AFF3: variants seen among roughly 807,000 people sequenced by gnomAD.
AFF3 encodes the protein AF4/FMR2 family member 3.
In AFF3, 32 loss-of-function variants were observed where a neutral mutation model predicts 129.7. That is an observed-to-expected ratio of 0.25 (90% CI 0.19 to 0.33). The LOEUF is 0.33. Among genes scored for constraint, AFF3 ranks in the 10% least tolerant of loss-of-function variants. The pLI is 1.00. For missense variants in AFF3, 1,373 were observed against 1,592.0 expected, an observed-to-expected ratio of 0.86 and a Z score of 2.34; for synonymous variants, 644 against 635.4, an observed-to-expected ratio of 1.01 and a Z score of -0.20.
chr2:100,118,176 G>A (rs17023503), intron 2 of AFF3, among the ~76,000 whole-genome samples: 26,397 of 152,086 alleles, frequency 0.17, 2,803 homozygotes, highest in African/African-American at 0.3. Flanking sequence ...CTAATTATTT[G>A]AAAACTTCTT....
chr2:99,934,683 G>A (rs1365529919), intron 7 of AFF3, among the ~76,000 whole-genome samples: 1 of 152,186 alleles, frequency 6.6e-6, no homozygotes, highest in Non-Finnish European at 1.5e-5. Context: ...GAAGCCACTG[G>A]GAAGGGGCAC....
intron 7 of AFF3, among the ~76,000 whole-genome samples, chr2:99,841,018 C>T (rs919389856): frequency 2.0e-5 from 3 of 152,214 alleles, no homozygotes; most frequent in African/African-American, 7.2e-5. Context: ...CTGTTTTCTA[C>T]CACAAAACAA....
At chr2:99,586,085 C>T (rs1678085301) in intron 16 of AFF3, among the ~76,000 whole-genome samples, 2 of 152,350 alleles carry the variant, frequency 1.3e-5, no homozygotes, top group African/African-American at 4.8e-5. Flanking sequence ...GTTTATATTC[C>T]TCACTGCTTA....
At chr2:99,598,228 T>A (rs1266745661) in intron 14 of AFF3, among the ~76,000 whole-genome samples, 1 of 152,180 alleles carries the variant, frequency 6.6e-6, no homozygotes, top group Non-Finnish European at 1.5e-5. Flanking sequence ...GTATCCAGGC[T>A]TTTTTATTTT....
intron 7 of AFF3, among the ~76,000 whole-genome samples, chr2:99,965,283 CAAAG>C: frequency 6.6e-6 from 1 of 152,226 alleles, no homozygotes; most frequent in East Asian, 1.9e-4. Context: ...AACAAAGAAA[CAAAG>C]AAAGTGCACA....
chr2:100,062,237 G>A lies in AFF3; in HGVS notation c.53+42165C>T, dbSNP rs1687352771. Among the ~76,000 whole-genome samples, 3 of 152,320 alleles carry A rather than the reference G, an allele frequency of 2.0e-5. No homozygotes were observed. The East Asian group carries it at 5.8e-4, about 29-fold the overall frequency. ...AAGGCAAGGCTGCCAGAGTAAGGTG[G>A]CTGCAGTTGGAGGGGCCCAGCAGAG... On this transcript the variant is annotated intron_variant, in intron 4 of 24. Coordinates refer to ENST00000672756, the MANE Select transcript of AFF3 (RefSeq NM_001386135.1).
chr2:99,602,895 T>C (rs1187698066), intron 13 of AFF3, among the ~76,000 whole-genome samples: 1 of 152,202 alleles, frequency 6.6e-6, no homozygotes, highest in Non-Finnish European at 1.5e-5. Context: ...GAGCTTTGTT[T>C]CTATAAAAAC....
chr2:100,014,058 G>T (rs1444199729), intron 4 of AFF3, among the ~76,000 whole-genome samples: 2 of 151,610 alleles, frequency 1.3e-5, no homozygotes, highest in African/African-American at 2.4e-5. Flanking sequence ...GCCAGGGGGG[G>T]ATGACCTCCT....
intron 12 of AFF3, among the ~76,000 whole-genome samples, chr2:99,668,032 C>A (rs921507206): frequency 6.6e-6 from 1 of 151,960 alleles, no homozygotes; most frequent in Admixed American, 6.6e-5. Context: ...GTGGTGGGCG[C>A]CTGTAGTCCC....
At chr2:99,897,395 G>A (rs1214039672) in intron 7 of AFF3, among the ~76,000 whole-genome samples, 2 of 151,788 alleles carry the variant, frequency 1.3e-5, no homozygotes, top group Admixed American at 6.6e-5. Flanking sequence ...TCATAGAATC[G>A]TAGGAGTGAA....
At chr2:99,898,547 C>A (rs1405057770) in intron 7 of AFF3, among the ~76,000 whole-genome samples, 2 of 152,220 alleles carry the variant, frequency 1.3e-5, no homozygotes, top group Non-Finnish European at 2.9e-5. Flanking sequence ...GCCACTGGAT[C>A]TGGGGCAACT....
intron 7 of AFF3, among the ~76,000 whole-genome samples, chr2:99,957,017 C>T (rs1463099941): frequency 6.6e-6 from 1 of 152,140 alleles, no homozygotes; most frequent in Non-Finnish European, 1.5e-5. Flanking sequence ...TTAATAAATC[C>T]CAGGCCTTGT....
chr2:99,911,666 G>A (rs1408398536), intron 7 of AFF3, among the ~76,000 whole-genome samples: 6 of 152,124 alleles, frequency 3.9e-5, no homozygotes, highest in African/African-American at 1.4e-4. Flanking sequence ...GCTCTCCTCA[G>A]CAGCAGCTGC....
chr2:99,770,598 C>T (rs994675360), intron 8 of AFF3, among the ~76,000 whole-genome samples: 2 of 152,118 alleles, frequency 1.3e-5, no homozygotes, highest in Admixed American at 6.5e-5. Flanking sequence ...GTGGGTCTCA[C>T]CTGCAGCCAG....
intron 4 of AFF3, among the ~76,000 whole-genome samples, chr2:100,050,313 T>C (rs989578049): frequency 2.0e-5 from 3 of 152,164 alleles, no homozygotes; most frequent in Non-Finnish European, 2.9e-5. Flanking sequence ...AACATTCTTA[T>C]GTTTTATTTT....
chr2:100,043,301 C>T (rs1228652770), intron 4 of AFF3, among the ~76,000 whole-genome samples: 1 of 152,260 alleles, frequency 6.6e-6, no homozygotes, highest in African/African-American at 2.4e-5. Flanking sequence ...GCCTCAGCTC[C>T]AGTCGGGAAG....
chr2:99,681,572 G>A (rs1210391245), intron 11 of AFF3, among the ~76,000 whole-genome samples: 1 of 152,182 alleles, frequency 6.6e-6, no homozygotes, highest in Non-Finnish European at 1.5e-5. Flanking sequence ...TGATGGCAGA[G>A]CTTTCATGAA....
At chr2:100,057,006 G>A (rs1686844162) in intron 4 of AFF3, among the ~76,000 whole-genome samples, 1 of 152,118 alleles carries the variant, frequency 6.6e-6, no homozygotes, top group Admixed American at 6.6e-5. Context: ...TCAAGAAAAA[G>A]AGAAAACTAT....
rs762707736 is a variant in AFF3, at chr2:99,752,287, A to G, written c.936T>C (p.Leu312=). The G allele has an allele frequency of 1.9e-6, 3 of 1,614,010 alleles. No homozygotes were observed. The highest frequency in any genetic ancestry group is 1.7e-6 in the Non-Finnish European group (2 of 1,179,890). ...VEEIIREMTW[L]PPLSAIQAPG... ...GTGCTTGAATAGCAGAAAGTGGTGG[A>G]AGCCAGGTCATCTCCTGAAGGACGG... Residue 312 remains leucine, a synonymous_variant, in exon 9 of 25, where the codon CTT becomes CTC. Coordinates refer to ENST00000672756, the MANE Select transcript of AFF3 (RefSeq NM_001386135.1).
Sources: allele counts gnomAD v4.1 joint callset (sites outside exome capture counted in the v4.1 genomes callset), GRCh38; gene constraint gnomAD v4.1.1; transcripts MANE v1.5; gene names NCBI Gene and HGNC (gene_info 2026-07-23, HGNC 2026-07-21).